Variants in TREM1 observed in about 807,000 individuals in gnomAD.
TREM1 encodes the protein triggering receptor expressed on myeloid cells 1.
In TREM1, 16 loss-of-function variants were observed where a neutral mutation model predicts 22.4. The observed-to-expected ratio is 0.71, with a 90% CI of 0.48 to 1.08. The LOEUF is 1.08. TREM1 is among the 50% of genes least tolerant of loss of function. The pLI is 0.00. For synonymous variants in TREM1, 110 were observed against 111.6 expected, an observed-to-expected ratio of 0.99 and a Z score of 0.09; for missense variants, 283 against 282.9, an observed-to-expected ratio of 1.00 and a Z score of 0.00.
intron 1 of TREM1, among the ~76,000 whole-genome samples, chr6:41,285,356 A>T (rs1210647092): frequency 6.6e-6 from 1 of 152,218 alleles, no homozygotes; most frequent in Non-Finnish European, 1.5e-5. Flanking sequence ...AATCTTTATA[A>T]AGTAAAAAGT....
At position 41,284,034 on chromosome 6, in the gene TREM1, T is replaced by C. The variant is rs530142335; in HGVS notation, c.50-1283A>G. On this transcript the variant is annotated intron_variant, in intron 1 of 3. Coordinates refer to ENST00000244709, the MANE Select transcript of TREM1 (RefSeq NM_018643.5). ...AAAAAAACCCACGTTATCTGAGTCA[T>C]GGACTCAGCTGTGCTCCAAAGGAGC... Among the ~76,000 whole-genome samples, 5 of 152,158 alleles carry C rather than the reference T, an allele frequency of 3.3e-5. No homozygotes were observed. The South Asian group carries it at 1.0e-3, about 32-fold the overall frequency.
intron 1 of TREM1, 34 bp downstream of exon 1, chr6:41,286,573 C>A (rs1309800958): frequency 6.2e-7 from 1 of 1,612,464 alleles, no homozygotes; most frequent in Non-Finnish European, 8.5e-7. Flanking sequence ...CTGGACCAAA[C>A]GCCTCCCCTG....
rs1238121126 is a variant in TREM1, at chr6:41,282,523, T to C, written c.278A>G (p.His93Arg). Reference sequence around the variant, plus strand: ...GACCATTCGGACGCGCAGTAAACCATGATCATGGTAGTCTTCTAGTATGAT... The same window carrying C: ...GACCATTCGGACGCGCAGTAAACCACGATCATGGTAGTCTTCTAGTATGAT... ...GRIILEDYHD[H>R]GLLRVRMVNL... Residue 93 changes from histidine (H) to arginine (R), a missense_variant, in exon 2 of 4, where the codon CAT becomes CGT. Physicochemically the swap from His to Arg is conservative, Grantham distance 29 (BLOSUM62 0). Coordinates refer to ENST00000244709, the MANE Select transcript of TREM1 (RefSeq NM_018643.5). 5.0e-6 allele frequency: 8 copies of C among 1,614,066 alleles called. No individual in the cohort carries two copies. The highest frequency in any genetic ancestry group is 2.2e-5 in the South Asian group (2 of 91,088).
chr6:41,269,097 C>T (rs1166124045), downstream of TREM1, among the ~76,000 whole-genome samples: 1 of 152,140 alleles, frequency 6.6e-6, no homozygotes, highest in African/African-American at 2.4e-5. Context: ...GAGCAATGTC[C>T]TCTGCTAATT....
chr6:41,276,332 G>T (rs1692185930), intron 3 of TREM1, 102 bp from the exon 4 acceptor site: 3 of 820,082 alleles, frequency 3.7e-6, no homozygotes, highest in Non-Finnish European at 4.1e-6. Flanking sequence ...CCTCTGCTTA[G>T]ATCCTTGCTC....
At chr6:41,283,676 C>T (rs1022027203) in intron 1 of TREM1, among the ~76,000 whole-genome samples, 2 of 151,664 alleles carry the variant, frequency 1.3e-5, no homozygotes, top group Admixed American at 6.6e-5. Flanking sequence ...CACAACACTG[C>T]ACTCCAGCCT....
In TREM1 at chr6:41,274,855, G is replaced by A. The variant is rs1184131603; in HGVS notation, c.*1270C>T. Among the ~76,000 whole-genome samples the A allele has an allele frequency of 6.6e-6, 1 of 152,266 alleles. No homozygotes were observed. Among genetic ancestry groups the A allele is most frequent in the Middle Eastern group, 3.4e-3 (1 of 292 alleles). On this transcript the variant is annotated 3_prime_UTR_variant, in exon 4 of 4. Coordinates refer to ENST00000244709, the MANE Select transcript of TREM1 (RefSeq NM_018643.5). ...GTAAAAATACATTTACCTAACATGA[G>A]ACACACGGTATGTGTGGAAAAGTAT...
In TREM1 at chr6:41,274,850, C is replaced by T. The variant is rs952107111; in HGVS notation, c.*1275G>A. Among the ~76,000 whole-genome samples the T allele has an allele frequency of 1.3e-5, 2 of 152,122 alleles. No individual in the cohort carries two copies. Among genetic ancestry groups the T allele is most frequent in the South Asian group, 4.1e-4 (2 of 4,824 alleles). ...TCATTGTAAAAATACATTTACCTAACATGAGACACACGGTATGTGTGGAAA... is the reference window on the plus strand; with the variant it reads ...TCATTGTAAAAATACATTTACCTAATATGAGACACACGGTATGTGTGGAAA... On this transcript the variant is annotated 3_prime_UTR_variant, in exon 4 of 4. Transcript: ENST00000244709.
At chr6:41,286,028 A>C (rs1430331958) in intron 1 of TREM1, among the ~76,000 whole-genome samples, 1 of 152,196 alleles carries the variant, frequency 6.6e-6, no homozygotes, top group Non-Finnish European at 1.5e-5. Context: ...TCGTAAGAGG[A>C]GACACAAGAA....
chr6:41,268,857 C>T (rs1010408623), downstream of TREM1, among the ~76,000 whole-genome samples: 3 of 152,190 alleles, frequency 2.0e-5, no homozygotes, highest in African/African-American at 7.2e-5. Context: ...CCAATTGCAT[C>T]ATTGATTTGT....
downstream of TREM1, chr6:41,270,296 C>G (rs1008735575): frequency 1.3e-5 from 2 of 152,436 alleles, no homozygotes; most frequent in East Asian, 3.8e-4. Flanking sequence ...TCCCCAACCT[C>G]AGACCACAAC....
At chr6:41,279,585 T>C in intron 3 of TREM1, 1 of 985,426 alleles carries the variant, frequency 1.0e-6, no homozygotes, top group Non-Finnish European at 1.2e-6. Context: ...AGCACTTTGT[T>C]CCCCAAACAA....
At chr6:41,282,941 T>C (rs942507836) in intron 1 of TREM1, among the ~76,000 whole-genome samples, 190 bp from the exon 2 acceptor site, 1 of 98,194 alleles carries the variant, frequency 1.0e-5, no homozygotes, top group African/African-American at 5.3e-5. Flanking sequence ...CCACTGTGAG[T>C]AGGTTTTTTA....
chr6:41,285,553 C>G (rs1768128051), intron 1 of TREM1, among the ~76,000 whole-genome samples: 1 of 152,112 alleles, frequency 6.6e-6, no homozygotes, highest in South Asian at 2.1e-4. Flanking sequence ...AAGTCCTGGC[C>G]CAAGTGTGAA....
intron 3 of TREM1, chr6:41,279,778 C>G: frequency 1.0e-6 from 1 of 985,412 alleles, no homozygotes; most frequent in Non-Finnish European, 1.2e-6. Context: ...TTTATTTATG[C>G]TTAATGGATC....
At chr6:41,277,072 T>TA (rs3842496) in intron 3 of TREM1, among the ~76,000 whole-genome samples, 64,221 of 147,516 alleles carry the variant, frequency 0.44, 14,110 homozygotes, top group Middle Eastern at 0.54. Context: ...TTAAATAAAA[T>TA]AAAAAAAAAA....
chr6:41,277,673 G>T (rs1767725526), intron 3 of TREM1, among the ~76,000 whole-genome samples: 3 of 152,166 alleles, frequency 2.0e-5, no homozygotes, highest in Admixed American at 2.0e-4. Flanking sequence ...TGAAGGGCCA[G>T]GAATTCATGT....
downstream of TREM1, among the ~76,000 whole-genome samples, chr6:41,269,478 C>T (rs1457208761): frequency 1.3e-5 from 2 of 152,218 alleles, no homozygotes; most frequent in South Asian, 4.1e-4. Context: ...ATAACTTAAT[C>T]TCTTTGAGTC....
chr6:41,274,997 G>C lies in TREM1; in HGVS notation c.*1128C>G, dbSNP rs1232912262. ...CATTTCCCTTTAAAGCTCAAAGTAGGAAATAACAAAATCCTGATTGAAATC... is the reference window on the plus strand; with the variant it reads ...CATTTCCCTTTAAAGCTCAAAGTAGCAAATAACAAAATCCTGATTGAAATC... On this transcript the variant is annotated 3_prime_UTR_variant, in exon 4 of 4. Transcript: ENST00000244709. Among the ~76,000 whole-genome samples, 1 of 151,754 alleles carries C rather than the reference G, an allele frequency of 6.6e-6. No homozygotes were observed. Among genetic ancestry groups the C allele is most frequent in the African/African-American group, 2.4e-5 (1 of 41,306 alleles).
Sources: gnomAD v4.1 joint callset for allele counts (sites outside exome capture counted in the v4.1 genomes callset) on GRCh38, gnomAD v4.1.1 for gene constraint, MANE v1.5 for transcripts, NCBI Gene and HGNC (gene_info 2026-07-23, HGNC 2026-07-21) for gene names.